The following DPP6 variants were observed in gnomAD, a reference collection of about 807,000 sequenced individuals.
The protein encoded by DPP6 is dipeptidyl peptidase like 6.
Under a neutral mutation model 122.6 loss-of-function variants are expected in DPP6, and 69 were observed. The observed-to-expected ratio is 0.56, with a 90% CI of 0.46 to 0.69. The LOEUF is 0.69. Ranked by LOEUF, DPP6 falls within the 30% of genes least tolerant of loss-of-function variation. The pLI is 0.00. For synonymous variants in DPP6, 418 were observed against 433.1 expected, an observed-to-expected ratio of 0.97 and a Z score of 0.43; for missense variants, 928 against 1,116.9, an observed-to-expected ratio of 0.83 and a Z score of 2.41.
chr7:153,828,501 G>T, the DPP6 span, among the ~76,000 whole-genome samples: 4 of 152,144 alleles, frequency 2.6e-5, no homozygotes, highest in Non-Finnish European at 5.9e-5. Context: ...TTTTTGAAAA[G>T]TATATGCCAT....
intron 1 of DPP6, among the ~76,000 whole-genome samples, chr7:154,216,675 A>G (rs537838383): frequency 6.6e-6 from 1 of 152,254 alleles, no homozygotes; most frequent in South Asian, 2.1e-4. Flanking sequence ...CCAGGGAATC[A>G]GTGCCAGCTC....
intron 1 of DPP6, among the ~76,000 whole-genome samples, chr7:153,997,559 G>T (rs1467355636): frequency 6.7e-6 from 1 of 149,368 alleles, no homozygotes; most frequent in Non-Finnish European, 1.5e-5. Flanking sequence ...CTATAATAGA[G>T]GATTTTTTTA....
chr7:154,615,688 C>G (rs901841906), intron 5 of DPP6, among the ~76,000 whole-genome samples: 1 of 151,940 alleles, frequency 6.6e-6, no homozygotes, highest in African/African-American at 2.4e-5. Flanking sequence ...TGTTACCATT[C>G]ACAATGTTGT....
intron 1 of DPP6, among the ~76,000 whole-genome samples, chr7:154,377,214 C>T (rs1411436555): frequency 6.6e-6 from 1 of 152,034 alleles, no homozygotes; most frequent in Admixed American, 6.6e-5. Context: ...TGAAATGGGG[C>T]AGTGAGTCAT....
chr7:154,725,469 A>G (rs1384007010), intron 7 of DPP6, among the ~76,000 whole-genome samples: 3 of 152,190 alleles, frequency 2.0e-5, no homozygotes, highest in African/African-American at 7.2e-5. Context: ...AGCAAGAGAA[A>G]GAGAGTGAAG....
intron 1 of DPP6, among the ~76,000 whole-genome samples, chr7:154,015,255 C>A (rs960106644): frequency 3.9e-5 from 6 of 152,032 alleles, no homozygotes; most frequent in African/African-American, 1.2e-4. Flanking sequence ...ATTGCACTAT[C>A]CACTCCTTTT....
At chr7:154,276,119 A>G (rs1585805790) in intron 1 of DPP6, among the ~76,000 whole-genome samples, 1 of 152,260 alleles carries the variant, frequency 6.6e-6, no homozygotes, top group South Asian at 2.1e-4. Flanking sequence ...CTAAAACAAT[A>G]CAATGCTTCT....
intron 12 of DPP6, among the ~76,000 whole-genome samples, chr7:154,799,021 CCCA>C (rs1234151537): frequency 6.6e-6 from 1 of 152,120 alleles, no homozygotes; most frequent in Non-Finnish European, 1.5e-5. Context: ...ATGCCCTCTA[CCCA>C]TCCATCTCCA....
intron 1 of DPP6, among the ~76,000 whole-genome samples, chr7:154,408,907 G>A (rs1163087784): frequency 2.6e-5 from 4 of 152,108 alleles, no homozygotes; most frequent in African/African-American, 9.7e-5. Flanking sequence ...TTGGGAGGCC[G>A]AGGCTGGTGG....
At chr7:154,692,600 C>T (rs755189741) in intron 7 of DPP6, among the ~76,000 whole-genome samples, 5 of 152,124 alleles carry the variant, frequency 3.3e-5, no homozygotes, top group Non-Finnish European at 7.3e-5. Flanking sequence ...CGGGGACATC[C>T]TCTAGAGCCT....
chr7:154,671,872 A>ACACGTG (rs952090767), intron 7 of DPP6, among the ~76,000 whole-genome samples: 2 of 149,598 alleles, frequency 1.3e-5, no homozygotes, highest in South Asian at 2.1e-4. Context: ...ATGCACACAC[A>ACACGTG]CACACACACA....
At position 154,277,636 on chromosome 7, in the gene DPP6, A is replaced by G. The variant is rs921761838; in HGVS notation, c.244-168578A>G. 1.1e-4 allele frequency among the ~76,000 whole-genome samples: 16 copies of G among 152,264 alleles called. 1 individual carries two copies. The highest frequency in any genetic ancestry group is 1.3e-4 in the Admixed American group (2 of 15,292). ...AAAGATTAGCCAGGCATGGTGGCTCATGCCTGCAATCCCAGCTACTTGGGA... is the reference window on the plus strand; with the variant it reads ...AAAGATTAGCCAGGCATGGTGGCTCGTGCCTGCAATCCCAGCTACTTGGGA... On this transcript the variant is annotated intron_variant, in intron 1 of 25. Coordinates refer to ENST00000377770, the MANE Select transcript of DPP6 (RefSeq NM_130797.4).
At chr7:154,134,345 A>G (rs1389034283) in intron 1 of DPP6, among the ~76,000 whole-genome samples, 2 of 152,022 alleles carry the variant, frequency 1.3e-5, no homozygotes, top group Non-Finnish European at 2.9e-5. Flanking sequence ...TTGCCCTGAC[A>G]TTATCTGATG....
chr7:154,232,846 TA>T, intron 1 of DPP6, among the ~76,000 whole-genome samples: 1 of 152,256 alleles, frequency 6.6e-6, no homozygotes, highest in East Asian at 1.9e-4. Context: ...ACAGCTGAGA[TA>T]AATGACATAC....
chr7:153,808,453 GTA>G, the DPP6 span, among the ~76,000 whole-genome samples: 14 of 151,964 alleles, frequency 9.2e-5, no homozygotes, highest in East Asian at 9.6e-4. Flanking sequence ...GTGTGTGTGT[GTA>G]TGTGTGATGA....
At chr7:154,432,543 C>G (rs922299986) in intron 1 of DPP6, among the ~76,000 whole-genome samples, 1 of 152,174 alleles carries the variant, frequency 6.6e-6, no homozygotes, top group African/African-American at 2.4e-5. Context: ...AACACACACC[C>G]CCTTCTCCAT....
the DPP6 span, among the ~76,000 whole-genome samples, chr7:153,869,788 C>A: frequency 6.6e-6 from 1 of 152,142 alleles, no homozygotes; most frequent in Non-Finnish European, 1.5e-5. Context: ...GTGGCTGGTA[C>A]TGGTTGTTCC....
chr7:153,840,070 GTTGTAGAAA>G, the DPP6 span, among the ~76,000 whole-genome samples: 1 of 152,098 alleles, frequency 6.6e-6, no homozygotes, highest in Non-Finnish European at 1.5e-5. Flanking sequence ...AGTTTTATTG[GTTGTAGAAA>G]TTTGCAACTT....
intron 1 of DPP6, among the ~76,000 whole-genome samples, chr7:154,106,952 G>A (rs1287038440): frequency 1.3e-5 from 2 of 152,112 alleles, no homozygotes; most frequent in Non-Finnish European, 1.5e-5. Flanking sequence ...GCGAGGATAT[G>A]GAGAGAAGGG....
Sources: gnomAD v4.1 joint callset for allele counts (sites outside exome capture counted in the v4.1 genomes callset) on GRCh38, gnomAD v4.1.1 for gene constraint, MANE v1.5 for transcripts, NCBI Gene and HGNC (gene_info 2026-07-23, HGNC 2026-07-21) for gene names.